EGFLAM: variants seen among roughly 807,000 people sequenced by gnomAD.
The protein encoded by EGFLAM is pikachurin.
A neutral mutation model predicts 113.1 loss-of-function variants in EGFLAM; 79 were observed. That is an observed-to-expected ratio of 0.70 (90% CI 0.58 to 0.84). The LOEUF (loss-of-function observed/expected upper bound fraction) is 0.84. Among genes scored for constraint, EGFLAM ranks in the 40% least tolerant of loss-of-function variants. The probability of loss-of-function intolerance (pLI) is 0.00; values close to 1 mark genes in which losing one functional copy is unlikely to be tolerated. For missense variants in EGFLAM, 1,265 were observed against 1,291.6 expected, an observed-to-expected ratio of 0.98 and a Z score of 0.32; for synonymous variants, 504 against 487.6, an observed-to-expected ratio of 1.03 and a Z score of -0.44.
At chr5:38,411,248 C>T (rs1004304046) in intron 10 of EGFLAM, among the ~76,000 whole-genome samples, 5 of 151,938 alleles carry the variant, frequency 3.3e-5, no homozygotes, top group East Asian at 4.0e-4. Flanking sequence ...GCCAACATGG[C>T]GAAACCACGT....
chr5:38,426,874 C>A, intron 13 of EGFLAM, 135 bp from the exon 14 acceptor site: 2 of 1,359,220 alleles, frequency 1.5e-6, no homozygotes, highest in Non-Finnish European at 2.0e-6. Context: ...TTCAGTCACA[C>A]CACCAACCTA....
intron 17 of EGFLAM, among the ~76,000 whole-genome samples, chr5:38,444,529 A>T (rs1742645829): frequency 6.6e-6 from 1 of 152,226 alleles, no homozygotes; most frequent in Non-Finnish European, 1.5e-5. Context: ...CCCTGATCTG[A>T]TTACTATATA....
intron 21 of EGFLAM, 124 bp from the exon 22 acceptor site, chr5:38,463,708 A>G (rs1029358214): frequency 2.5e-6 from 3 of 1,176,642 alleles, no homozygotes; most frequent in Admixed American, 3.9e-5. Context: ...CAGCCCTCAC[A>G]TGTCCCATGA....
chr5:38,435,857 G>C (rs769953050), intron 16 of EGFLAM, among the ~76,000 whole-genome samples: 1 of 119,358 alleles, frequency 8.4e-6, no homozygotes, highest in Non-Finnish European at 1.6e-5. Context: ...TCGCTCTGTC[G>C]CCCAGGCTGT....
At chr5:38,406,716 A>T in intron 7 of EGFLAM, 112 bp from the exon 8 acceptor site, 1 of 985,530 alleles carries the variant, frequency 1.0e-6, no homozygotes, top group Non-Finnish European at 1.5e-6. Flanking sequence ...TCTCCATCCT[A>T]GGGTTTTTGG....
chr5:38,397,083 G>A (rs1241201337), intron 6 of EGFLAM, among the ~76,000 whole-genome samples: 3 of 152,236 alleles, frequency 2.0e-5, no homozygotes. Flanking sequence ...TTTGAGGTGA[G>A]GCCTCTGGAA....
chr5:38,349,551 G>T (rs2111978917), intron 3 of EGFLAM, among the ~76,000 whole-genome samples: 1 of 152,254 alleles, frequency 6.6e-6, no homozygotes, highest in East Asian at 1.9e-4. Flanking sequence ...CTAACAATAA[G>T]TGGCAGAATC....
chr5:38,351,939 A>C (rs1213412008), intron 4 of EGFLAM, among the ~76,000 whole-genome samples: 1 of 152,150 alleles, frequency 6.6e-6, no homozygotes, highest in Non-Finnish European at 1.5e-5. Flanking sequence ...TCAGGGGTGC[A>C]ACGGGGAGAA....
chr5:38,439,738 A>G (rs1742471940), intron 17 of EGFLAM, among the ~76,000 whole-genome samples: 1 of 152,216 alleles, frequency 6.6e-6, no homozygotes, highest in Non-Finnish European at 1.5e-5. Flanking sequence ...TAACAAGCAA[A>G]TTGCTGTTTA....
At chr5:38,446,402 C>T (rs1742714440) in intron 17 of EGFLAM, among the ~76,000 whole-genome samples, 1 of 152,130 alleles carries the variant, frequency 6.6e-6, no homozygotes, top group Non-Finnish European at 1.5e-5. Flanking sequence ...TCCTCCTCTT[C>T]TTGCTGCAGC....
At chr5:38,394,496 G>A (rs2468538) in intron 6 of EGFLAM, among the ~76,000 whole-genome samples, 1,749 of 151,444 alleles carry the variant, frequency 0.012, 33 homozygotes, top group African/African-American at 0.041. Context: ...TGCAAGCTGC[G>A]CCTCCCGGGT....
intron 17 of EGFLAM, among the ~76,000 whole-genome samples, chr5:38,444,429 A>G (rs1056783922): frequency 2.0e-5 from 3 of 152,076 alleles, no homozygotes; most frequent in Non-Finnish European, 2.9e-5. Flanking sequence ...TAACAATAAT[A>G]TATAGTTTCA....
chr5:38,262,760 T>A (rs71621858), intron 1 of EGFLAM, among the ~76,000 whole-genome samples: 109 of 152,366 alleles, frequency 7.2e-4, no homozygotes, highest in Non-Finnish European at 1.4e-3. Context: ...TTTTCAGTTT[T>A]AGGCTATTAT....
chr5:38,328,266 G>A (rs1247437403), intron 1 of EGFLAM, among the ~76,000 whole-genome samples: 1 of 152,114 alleles, frequency 6.6e-6, no homozygotes, highest in African/African-American at 2.4e-5. Flanking sequence ...CAGATCTTAC[G>A]AGAACTCGCT....
At position 38,407,732 on chromosome 5, in the gene EGFLAM, G is replaced by T. The variant is rs200771297; in HGVS notation, c.1148-73G>T. The stretch of plus-strand genomic sequence containing the variant: ...TCTCACTTAATGATATTCAGGCAAC[G>T]TTGTATATTGATTTTTGCTTTTGAA... On this transcript the variant is annotated intron_variant, in intron 8 of 21. Coordinates refer to ENST00000322350, the MANE Select transcript of EGFLAM (RefSeq NM_152403.4). 40 of 1,125,542 alleles carry T rather than the reference G, an allele frequency of 3.6e-5. No individual in the cohort carries two copies. The East Asian group carries it at 4.7e-4, about 13-fold the overall frequency. 69.7% of individuals were successfully genotyped at this position (1,125,542 alleles called of 1,614,324 possible).
chr5:38,365,353 T>A (rs1411670481), intron 5 of EGFLAM, among the ~76,000 whole-genome samples: 2 of 152,172 alleles, frequency 1.3e-5, no homozygotes, highest in Admixed American at 1.3e-4. Context: ...CCAGTGTATA[T>A]CTTACCGTGG....
At chr5:38,260,633 C>T (rs1346694061) in intron 1 of EGFLAM, among the ~76,000 whole-genome samples, 3 of 152,182 alleles carry the variant, frequency 2.0e-5, no homozygotes, top group Non-Finnish European at 4.4e-5. Context: ...TTAATTACAT[C>T]AAATTTGAGA....
chr5:38,371,324 T>A (rs371721051), intron 6 of EGFLAM, among the ~76,000 whole-genome samples: 1 of 152,182 alleles, frequency 6.6e-6, no homozygotes, highest in Non-Finnish European at 1.5e-5. Flanking sequence ...GAAAATGTGC[T>A]GTCAGAAAGG....
At chr5:38,355,817 A>G (rs1364819912) in intron 5 of EGFLAM, among the ~76,000 whole-genome samples, 1 of 152,164 alleles carries the variant, frequency 6.6e-6, no homozygotes, top group Non-Finnish European at 1.5e-5. Flanking sequence ...CTGGAGTGCA[A>G]CAGCATGATC....
Sources: allele counts gnomAD v4.1 joint callset (sites outside exome capture counted in the v4.1 genomes callset), GRCh38; gene constraint gnomAD v4.1.1; transcripts MANE v1.5; gene names NCBI Gene and HGNC (gene_info 2026-07-23, HGNC 2026-07-21).